Variants in CTPS2 observed in about 807,000 individuals in gnomAD.
CTPS2 encodes CTP synthase II.
Under a neutral mutation model 46.8 loss-of-function variants are expected in CTPS2, and 19 were observed. The ratio of observed to expected loss-of-function variants is 0.41; its 90% confidence interval spans 0.28 to 0.60. The LOEUF (loss-of-function observed/expected upper bound fraction) is 0.60, where lower values mean the gene tolerates loss of function less well. CTPS2 is among the 20% of genes least tolerant of loss of function. The pLI is 0.35. For synonymous variants in CTPS2, 151 were observed against 165.2 expected, an observed-to-expected ratio of 0.91 and a Z score of 0.66; for missense variants, 286 against 447.6, an observed-to-expected ratio of 0.64 and a Z score of 3.26.
chrX:16,668,735 AAGAG>A (rs1255796850), intron 11 of CTPS2, among the ~76,000 whole-genome samples: 6 of 93,243 alleles, frequency 6.4e-5, no homozygotes, highest in Non-Finnish European at 1.3e-4. Context: ...GGAAGGGAGA[AAGAG>A]AGAAAGAAAG....
intron 14 of CTPS2, among the ~76,000 whole-genome samples, chrX:16,636,074 A>G (rs1023364388): frequency 3.3e-4 from 37 of 112,346 alleles, no homozygotes; most frequent in Admixed American, 2.4e-3. Flanking sequence ...ACATGCTACA[A>G]TGTGGATGTA....
At chrX:16,642,867 A>C (rs1414631567) in intron 13 of CTPS2, among the ~76,000 whole-genome samples, 2 of 112,121 alleles carry the variant, frequency 1.8e-5, no homozygotes, top group Admixed American at 9.5e-5. Context: ...AACATTTCCA[A>C]AATACTCTAG....
In CTPS2 at chrX:16,617,266, G is replaced by C; in HGVS notation, c.1450-20C>G. On this transcript the variant is annotated intron_variant, in intron 15 of 18. Transcript: ENST00000359276. The stretch of plus-strand genomic sequence containing the variant: ...GTTTACCTGCAAAACAAGAAATTAA[G>C]TGTTTATGGGCCACAGTGCAATACC... 8.8e-7 allele frequency: 1 copy of C among 1,131,502 alleles called. No individual in the cohort carries two copies. The highest frequency in any genetic ancestry group is 1.2e-6 in the Non-Finnish European group (1 of 827,142). 93.2% of individuals were successfully genotyped at this position (1,131,502 alleles called of 1,213,427 possible).
chrX:16,685,470 G>A (rs1428968083), intron 8 of CTPS2, among the ~76,000 whole-genome samples: 3 of 110,570 alleles, frequency 2.7e-5, no homozygotes, highest in Non-Finnish European at 5.7e-5. Context: ...AGCCATCACC[G>A]AATGTGAGGC....
chrX:16,646,600 A>G (rs754420889), intron 13 of CTPS2, among the ~76,000 whole-genome samples: 20 of 112,678 alleles, frequency 1.8e-4, no homozygotes, highest in Non-Finnish European at 3.6e-4. Flanking sequence ...GGTGACAAGC[A>G]AGCTATACTT....
chrX:16,615,152 G>A (rs942765472), intron 16 of CTPS2, among the ~76,000 whole-genome samples: 1 of 109,969 alleles, frequency 9.1e-6, no homozygotes, highest in African/African-American at 3.3e-5. Context: ...CTCCAGCTTG[G>A]GCAACAGAGT....
intron 17 of CTPS2, among the ~76,000 whole-genome samples, chrX:16,594,923 T>G (rs755542835): frequency 8.9e-6 from 1 of 112,810 alleles, no homozygotes; most frequent in Non-Finnish European, 1.9e-5. Flanking sequence ...AAAAAACAAC[T>G]GCTAGAAATA....
Position 16,691,600 on chromosome X carries a change from C to T in CTPS2, c.660G>A (p.Thr220=), listed in dbSNP as rs753217298. The T allele has an allele frequency of 4.6e-5, 55 of 1,208,300 alleles. No homozygotes were observed. In the East Asian group the frequency reaches 1.1e-3, roughly 24 times the overall value. The change falls in exon 7 of 19, where the codon ACG becomes ACA. Residue 220 remains threonine (T), a synonymous_variant. Coordinates refer to ENST00000359276, the MANE Select transcript of CTPS2 (RefSeq NM_175859.3). ...SPDLIVCRSS[T]PIEMAVKEKI... is the part of the protein sequence containing the mutation. ...TCTCCTTCACGGCCATCTCAATGGGCGTTGAACTTCGGCAGACAATCTGTC... is the reference window on the plus strand; with the variant it reads ...TCTCCTTCACGGCCATCTCAATGGGTGTTGAACTTCGGCAGACAATCTGTC...
intron 13 of CTPS2, among the ~76,000 whole-genome samples, chrX:16,661,993 C>CATATATATATATATAT (rs5901592): frequency 1.2e-3 from 104 of 85,337 alleles, no homozygotes; most frequent in African/African-American, 4.0e-3. Flanking sequence ...ATTGTTCATT[C>CATATATATATATATAT]ATATATATAT....
At chrX:16,616,765 G>A (rs1602141443) in intron 16 of CTPS2, among the ~76,000 whole-genome samples, 1 of 111,776 alleles carries the variant, frequency 8.9e-6, no homozygotes, top group African/African-American at 3.3e-5. Flanking sequence ...CGCGATCTCG[G>A]CTCACTGCAA....
intron 8 of CTPS2, among the ~76,000 whole-genome samples, chrX:16,686,483 C>T (rs1195566238): frequency 3.6e-5 from 4 of 111,814 alleles, no homozygotes; most frequent in Admixed American, 9.6e-5. Context: ...TCTTTGCAGA[C>T]ATAAGTAAGG....
intron 8 of CTPS2, among the ~76,000 whole-genome samples, chrX:16,688,958 G>T (rs1462514635): frequency 2.5e-4 from 28 of 109,897 alleles, no homozygotes; most frequent in African/African-American, 9.3e-4. Context: ...TATTAGCCGG[G>T]TGTGGTGGTG....
intron 17 of CTPS2, among the ~76,000 whole-genome samples, 181 bp downstream of exon 17, chrX:16,609,360 A>T (rs998291423): frequency 1.8e-4 from 20 of 112,422 alleles, no homozygotes; most frequent in Non-Finnish European, 3.2e-4. Flanking sequence ...TGGAAAGCTG[A>T]CACATTACTA....
intron 10 of CTPS2, among the ~76,000 whole-genome samples, chrX:16,674,741 G>A (rs1263180213): frequency 1.9e-5 from 2 of 107,208 alleles, no homozygotes; most frequent in African/African-American, 3.4e-5. Context: ...GGGAGGCTGA[G>A]GCAGGAGAAT....
chrX:16,595,815 T>C (rs750008472), intron 17 of CTPS2, among the ~76,000 whole-genome samples: 5 of 111,760 alleles, frequency 4.5e-5, no homozygotes, highest in Non-Finnish European at 7.5e-5. Flanking sequence ...AACAAATGAA[T>C]AATGATTTTT....
chrX:16,666,095 G>A (rs1014864738), intron 13 of CTPS2, among the ~76,000 whole-genome samples: 2 of 112,200 alleles, frequency 1.8e-5, no homozygotes, highest in Admixed American at 9.5e-5. Flanking sequence ...TATATGAATT[G>A]TATCTCAATA....
intron 13 of CTPS2, among the ~76,000 whole-genome samples, chrX:16,659,923 A>G (rs1932905470): frequency 9.0e-6 from 1 of 111,430 alleles, no homozygotes; most frequent in African/African-American, 3.3e-5. Context: ...TTTCTCCCAC[A>G]CACCCCACAT....
chrX:16,615,273 AG>A (rs901692140), intron 16 of CTPS2, among the ~76,000 whole-genome samples: 1 of 111,209 alleles, frequency 9.0e-6, no homozygotes, highest in Non-Finnish European at 1.9e-5. Context: ...CAAGAGGTCA[AG>A]GCTGCAGTAA....
At chrX:16,599,520 A>G (rs1263074267) in intron 17 of CTPS2, among the ~76,000 whole-genome samples, 1 of 92,198 alleles carries the variant, frequency 1.1e-5, no homozygotes, top group Admixed American at 1.4e-4. Flanking sequence ...CTTGTTGCCC[A>G]GGCTGGAGTG....
Sources: allele counts gnomAD v4.1 joint callset (sites outside exome capture counted in the v4.1 genomes callset), GRCh38; gene constraint gnomAD v4.1.1; transcripts MANE v1.5; gene names NCBI Gene and HGNC (gene_info 2026-07-23, HGNC 2026-07-21).